CSMD1: variants seen among roughly 807,000 people sequenced by gnomAD.
CSMD1 encodes the protein CUB and sushi domain-containing protein 1.
Under a neutral mutation model 417.5 loss-of-function variants are expected in CSMD1, and 213 were observed. The observed-to-expected ratio is 0.51, with a 90% CI of 0.46 to 0.57. The LOEUF (loss-of-function observed/expected upper bound fraction) is 0.57, where lower values mean the gene tolerates loss of function less well. CSMD1 is among the 20% of genes least tolerant of loss of function. The probability of loss-of-function intolerance (pLI) is 0.00; values close to 1 mark genes in which losing one functional copy is unlikely to be tolerated. For missense variants in CSMD1, 6,923 were observed against 4,529.7 expected (o/e 1.53, Z -15.17); for synonymous variants, 2,862 against 1,736.8 (o/e 1.65, Z -16.11).
At chr8:4,344,188 C>G (rs149470497) in intron 3 of CSMD1, among the ~76,000 whole-genome samples, 1 of 152,198 alleles carries the variant, frequency 6.6e-6, no homozygotes, top group Non-Finnish European at 1.5e-5. Context: ...TTTCAGATTT[C>G]TCTGTAACCG....
intron 5 of CSMD1, among the ~76,000 whole-genome samples, chr8:3,974,067 G>A (rs573956223): frequency 4.7e-4 from 72 of 152,094 alleles, no homozygotes; most frequent in African/African-American, 1.7e-3. Flanking sequence ...TCCTCGTTGT[G>A]CTCTGAAATG....
intron 3 of CSMD1, among the ~76,000 whole-genome samples, chr8:4,248,612 G>C (rs150002552): frequency 4.6e-5 from 7 of 152,150 alleles, no homozygotes; most frequent in Non-Finnish European, 7.4e-5. Flanking sequence ...TGAACTTCTC[G>C]AAAAGACCTT....
At chr8:3,268,392 C>A (rs1436208875) in intron 26 of CSMD1, among the ~76,000 whole-genome samples, 1 of 147,934 alleles carries the variant, frequency 6.8e-6, no homozygotes, top group African/African-American at 2.5e-5. Context: ...AGGTTCACAC[C>A]ATTCTCCTGC....
At chr8:3,292,926 G>C (rs1803685546) in intron 25 of CSMD1, among the ~76,000 whole-genome samples, 2 of 151,892 alleles carry the variant, frequency 1.3e-5, no homozygotes, top group Non-Finnish European at 2.9e-5. Context: ...TAGTCTCGAT[G>C]GTCTTTACAT....
At chr8:3,363,635 C>G (rs1809349721) in intron 20 of CSMD1, among the ~76,000 whole-genome samples, 1 of 152,168 alleles carries the variant, frequency 6.6e-6, no homozygotes, top group Admixed American at 6.5e-5. Context: ...TCACTCCATT[C>G]TCCTGCCTCA....
intron 5 of CSMD1, among the ~76,000 whole-genome samples, chr8:3,974,483 C>G (rs553798344): frequency 2.0e-5 from 3 of 151,766 alleles, no homozygotes; most frequent in African/African-American, 7.2e-5. Flanking sequence ...TGTATTAAAA[C>G]AGAAAAAAAG....
chr8:3,786,986 G>C (rs1158738748), intron 5 of CSMD1, among the ~76,000 whole-genome samples: 1 of 152,116 alleles, frequency 6.6e-6, no homozygotes. Context: ...GATTAGATGA[G>C]GGCATGGAAG....
At chr8:3,987,991 C>T (rs1167897589) in intron 5 of CSMD1, among the ~76,000 whole-genome samples, 1 of 152,156 alleles carries the variant, frequency 6.6e-6, no homozygotes, top group Non-Finnish European at 1.5e-5. Context: ...ACTCAATTTT[C>T]TTGAAAAGAG....
At chr8:3,639,729 T>C (rs1797214167) in intron 7 of CSMD1, among the ~76,000 whole-genome samples, 1 of 152,224 alleles carries the variant, frequency 6.6e-6, no homozygotes, top group Admixed American at 6.5e-5. Flanking sequence ...CTCAATGATT[T>C]TTCTTTTGCA....
In CSMD1 at chr8:4,006,568, G is replaced by T. The variant is rs140010143; in HGVS notation, c.611-8458C>A. ...AGAATAAATAAATAAATAAATAATG[G>T]CAATATTCTTGGGATGTTAGTTTTA... is the stretch of plus-strand genomic sequence containing the variant. On this transcript the variant is annotated intron_variant, in intron 4 of 69. Coordinates refer to ENST00000635120, the MANE Select transcript of CSMD1 (RefSeq NM_033225.6). Among the ~76,000 whole-genome samples, 583 of 152,170 alleles carry T rather than the reference G, an allele frequency of 3.8e-3. 3 individuals are homozygous for T. The highest frequency in any genetic ancestry group is 0.021 in the Middle Eastern group (6 of 292).
intron 10 of CSMD1, among the ~76,000 whole-genome samples, chr8:3,574,704 G>A (rs903974984): frequency 1.3e-5 from 2 of 152,180 alleles, no homozygotes; most frequent in African/African-American, 4.8e-5. Context: ...CATAAAGGAG[G>A]AATGTAGACT....
chr8:3,317,983 G>A (rs897430739), intron 23 of CSMD1, among the ~76,000 whole-genome samples: 1 of 152,060 alleles, frequency 6.6e-6, no homozygotes, highest in Non-Finnish European at 1.5e-5. Context: ...GCTAATATTT[G>A]TATCTTTTGT....
intron 62 of CSMD1, among the ~76,000 whole-genome samples, chr8:2,960,544 A>G (rs1464845315): frequency 1.3e-5 from 2 of 152,208 alleles, no homozygotes; most frequent in Non-Finnish European, 2.9e-5. Flanking sequence ...ACTTTTAGGT[A>G]TTTCTCCAAC....
chr8:4,359,830 A>C (rs983344592), intron 3 of CSMD1, among the ~76,000 whole-genome samples: 1 of 152,242 alleles, frequency 6.6e-6, no homozygotes, highest in Non-Finnish European at 1.5e-5. Flanking sequence ...CATCTCTCCT[A>C]CTGTCGGAAG....
intron 5 of CSMD1, among the ~76,000 whole-genome samples, chr8:3,944,214 G>A (rs1247325871): frequency 6.6e-6 from 1 of 152,096 alleles, no homozygotes; most frequent in African/African-American, 2.4e-5. Flanking sequence ...AAAAAGTTAA[G>A]AAAACTGTCT....
chr8:4,086,881 C>G (rs1800449553), intron 3 of CSMD1, among the ~76,000 whole-genome samples: 1 of 152,182 alleles, frequency 6.6e-6, no homozygotes. Flanking sequence ...GAGTAAACTG[C>G]AAGTAAATGT....
rs1808996191 is a variant in CSMD1 at position 3,359,225 on chromosome 8, T to C, written c.3231A>G (p.Leu1077=). The change falls in exon 21 of 70, where the codon TTA becomes TTG. Residue 1077 remains leucine, a synonymous_variant. Transcript: ENST00000635120. ...LTFSCFLGYR[L]EGATKLTCLG... ...GGCAGGTAAGCTTGGTGGCACCTTC[T>C]AAACGATATCCCAGGAAGCAGGAAA... 1 of 1,613,726 alleles carries C rather than the reference T, an allele frequency of 6.2e-7. No homozygotes were observed. Among genetic ancestry groups the C allele is most frequent in the South Asian group, 1.1e-5 (1 of 91,082 alleles).
At chr8:4,768,436 C>T (rs943861725) in intron 1 of CSMD1, among the ~76,000 whole-genome samples, 5 of 152,288 alleles carry the variant, frequency 3.3e-5, no homozygotes, top group African/African-American at 1.2e-4. Flanking sequence ...TGTTAAACGT[C>T]AGGGAAACAA....
At chr8:4,690,145 T>C (rs754110995) in intron 1 of CSMD1, among the ~76,000 whole-genome samples, 2 of 152,254 alleles carry the variant, frequency 1.3e-5, no homozygotes, top group Non-Finnish European at 2.9e-5. Context: ...CTTATTACAA[T>C]GCTCATAATT....
Sources: allele counts gnomAD v4.1 joint callset (sites outside exome capture counted in the v4.1 genomes callset), GRCh38; gene constraint gnomAD v4.1.1; transcripts MANE v1.5; gene names NCBI Gene and HGNC (gene_info 2026-07-23, HGNC 2026-07-21).